The following DNAH6 variants were observed in gnomAD, a reference collection of about 807,000 sequenced individuals.
The protein encoded by DNAH6 is dynein axonemal heavy chain 6.
DNAH6 carries 340 observed loss-of-function variants against 491.4 expected under a neutral mutation model. That is an observed-to-expected ratio of 0.69 (90% CI 0.63 to 0.76). The LOEUF is 0.76. Ranked by LOEUF, DNAH6 falls within the 30% of genes least tolerant of loss-of-function variation. The pLI is 0.00. For synonymous variants in DNAH6, 1,603 were observed against 1,686.1 expected, an observed-to-expected ratio of 0.95 and a Z score of 1.21; for missense variants, 4,443 against 4,972.2, an observed-to-expected ratio of 0.89 and a Z score of 3.20.
intron 76 of DNAH6, 60 bp downstream of exon 76, chr2:84,816,143 C>T: frequency 2.2e-6 from 3 of 1,351,440 alleles, no homozygotes; most frequent in Non-Finnish European, 3.1e-6. Context: ...AATCAAAGTC[C>T]AAACACTAAG....
At chr2:84,483,865 C>T in the DNAH6 span, among the ~76,000 whole-genome samples, 1 of 152,058 alleles carries the variant, frequency 6.6e-6, no homozygotes, top group Non-Finnish European at 1.5e-5. Flanking sequence ...CCACTGACAC[C>T]TTTGGGGGAG....
In DNAH6 at chr2:84,693,544, C is replaced by T. The variant is rs112894658; in HGVS notation, c.7293-705C>T. Among the ~76,000 whole-genome samples, 800 of 152,040 alleles carry T rather than the reference C, an allele frequency of 5.3e-3. 5 individuals carry two copies. Among genetic ancestry groups the T allele is most frequent in the African/African-American group, 0.018 (733 of 41,454 alleles). The stretch of plus-strand genomic sequence containing the variant: ...GAATCATGAGATCAGGAGATCGAGA[C>T]CATCCTGGCTAAGACGGTGAAACCC... On this transcript the variant is annotated intron_variant, in intron 45 of 76. Transcript: ENST00000389394.
intron 34 of DNAH6, among the ~76,000 whole-genome samples, chr2:84,654,441 T>A (rs1690754379): frequency 6.6e-6 from 1 of 152,136 alleles, no homozygotes; most frequent in Non-Finnish European, 1.5e-5. Context: ...TTTGACAGTA[T>A]CCTCCTGTAG....
intron 41 of DNAH6, among the ~76,000 whole-genome samples, chr2:84,679,922 G>A (rs900475472): frequency 6.6e-6 from 1 of 152,148 alleles, no homozygotes; most frequent in African/African-American, 2.4e-5. Context: ...TTTGTGTCAT[G>A]GAGAACAGAA....
At position 84,600,985 on chromosome 2, in the gene DNAH6, TATA is replaced by T. The variant is rs148444970; in HGVS notation, c.2869-3341_2869-3339del. Among the ~76,000 whole-genome samples the T allele has an allele frequency of 7.7e-3, 1,120 of 145,064 alleles. 18 individuals carry two copies. The highest frequency in any genetic ancestry group is 0.027 in the African/African-American group (1,062 of 38,856). On this transcript the variant is annotated intron_variant, in intron 18 of 76. Transcript: ENST00000389394. ...TAATAACACTATATTATTATTATAGTATAATAATAATAATATACTATAATAATA... is the reference window on the plus strand; with the variant it reads ...TAATAACACTATATTATTATTATAGTATAATAATAATATACTATAATAATA...
Position 84,796,430 on chromosome 2 carries a change from A to G in DNAH6, c.11359+5A>G, listed in dbSNP as rs754273. ...ATTATAAATACTCTGAATCAGGTGAATGACTTTTCAATATTACAGAAAAGG... is the reference window on the plus strand; with the variant it reads ...ATTATAAATACTCTGAATCAGGTGAGTGACTTTTCAATATTACAGAAAAGG... On this transcript the variant is annotated splice_donor_5th_base_variant and intron_variant, in intron 69 of 76. Transcript: ENST00000389394. 0.17 allele frequency: 252,286 copies of G among 1,498,844 alleles called. 23,880 individuals carry two copies. The highest frequency in any genetic ancestry group is 0.4 in the African/African-American group (28,156 of 70,594). 92.8% of individuals were successfully genotyped at this position (1,498,844 alleles called of 1,614,324 possible). A position where few individuals can be genotyped will look rare whatever the true frequency, so the allele number is the denominator to read the frequency against.
chr2:84,808,297 G>C, intron 71 of DNAH6, 118 bp from the exon 72 acceptor site: 1 of 1,151,186 alleles, frequency 8.7e-7, no homozygotes, highest in East Asian at 2.7e-5. Context: ...TATGTATCTG[G>C]CTTAAACAAT....
intron 2 of DNAH6, among the ~76,000 whole-genome samples, chr2:84,523,698 A>G (rs146554189): frequency 2.0e-5 from 3 of 152,152 alleles, no homozygotes; most frequent in Non-Finnish European, 4.4e-5. Context: ...TTCTGCCTTA[A>G]CTTCATTATT....
chr2:84,587,764 C>T (rs1383892247), intron 15 of DNAH6, among the ~76,000 whole-genome samples: 2 of 152,138 alleles, frequency 1.3e-5, no homozygotes, highest in Admixed American at 6.5e-5. Flanking sequence ...TCCCCTCCTA[C>T]CTATTGCCCC....
In DNAH6 at chr2:84,669,280, G is replaced by A. The variant is rs879074438; in HGVS notation, c.6085-9G>A. The A allele has an allele frequency of 1.3e-6, 2 of 1,545,770 alleles. No individual in the cohort carries two copies. The highest frequency in any genetic ancestry group is 1.7e-4 in the Middle Eastern group (1 of 6,000). Reference sequence around the variant, plus strand: ...CCTATTGAAAGTGGTGTTTAATTTTGTACTTTAGCTTCCCAATTCTGGTGA... The same window carrying A: ...CCTATTGAAAGTGGTGTTTAATTTTATACTTTAGCTTCCCAATTCTGGTGA... On this transcript the variant is annotated splice_polypyrimidine_tract_variant and intron_variant, in intron 37 of 76. Transcript: ENST00000389394.
intron 62 of DNAH6, among the ~76,000 whole-genome samples, chr2:84,735,433 C>T (rs1045765307): frequency 3.9e-5 from 6 of 152,100 alleles, no homozygotes; most frequent in South Asian, 2.1e-4. Context: ...GTGGGTCAAA[C>T]GTTAATTCTA....
chr2:84,507,541 A>G, the DNAH6 span, among the ~76,000 whole-genome samples: 1 of 152,164 alleles, frequency 6.6e-6, no homozygotes, highest in African/African-American at 2.4e-5. Flanking sequence ...CTCTTTTCCT[A>G]ATTGAATACC....
intron 63 of DNAH6, among the ~76,000 whole-genome samples, chr2:84,752,197 G>A (rs888924385): frequency 1.3e-5 from 2 of 152,110 alleles, no homozygotes; most frequent in African/African-American, 4.8e-5. Flanking sequence ...TTCCCAATTT[G>A]GTAAAACCCA....
chr2:84,718,225 A>T lies in DNAH6; in HGVS notation c.9633A>T (p.Lys3211Asn), dbSNP rs201371333. Residue 3211 changes from lysine (K) to asparagine (N), a missense_variant, in exon 59 of 77, where the codon AAA becomes AAT. Transcript: ENST00000389394. ...QLLSDVVRLE[K>N]PRLEEQRIKL... ...TTAGTGATGTGGTGCGACTTGAAAA[A>T]CCCAGGTTGGAAGAACAAAGAATTA... 142 of 1,536,822 alleles carry T rather than the reference A, an allele frequency of 9.2e-5. No homozygotes were observed. The African/African-American group carries it at 1.7e-3, about 19-fold the overall frequency.
chr2:84,504,757 T>C, the DNAH6 span, among the ~76,000 whole-genome samples: 2 of 152,224 alleles, frequency 1.3e-5, no homozygotes, highest in African/African-American at 2.4e-5. Context: ...GTTTTGATAA[T>C]TGTAGCTTTG....
intron 37 of DNAH6, among the ~76,000 whole-genome samples, chr2:84,666,819 G>A (rs572052816): frequency 2.6e-5 from 4 of 152,284 alleles, no homozygotes; most frequent in African/African-American, 9.6e-5. Flanking sequence ...GAACAAAGCT[G>A]GAGGCACCAT....
At chr2:84,760,147 C>T (rs138662029) in intron 63 of DNAH6, among the ~76,000 whole-genome samples, 30 of 152,204 alleles carry the variant, frequency 2.0e-4, no homozygotes, top group African/African-American at 6.5e-4. Context: ...CTATCTCTCA[C>T]TATATACAAA....
In DNAH6 at chr2:84,557,926, T is replaced by C; in HGVS notation, c.1794T>C (p.Ser598=). ...EDDKNFHTII[S]QIKETIQAAF... ...ATAAGAATTTTCACACAATTATTTC[T>C]CAAATAAAGGTATGTTTACTCTGAC... Residue 598 remains serine (S), a synonymous_variant, in exon 11 of 77, where the codon TCT becomes TCC. Transcript: ENST00000389394. 1 of 1,604,180 alleles carries C rather than the reference T, an allele frequency of 6.2e-7. No individual in the cohort carries two copies. Among genetic ancestry groups the C allele is most frequent in the Non-Finnish European group, 8.5e-7 (1 of 1,173,084 alleles).
intron 29 of DNAH6, among the ~76,000 whole-genome samples, chr2:84,630,880 A>T (rs903000808): frequency 2.0e-5 from 3 of 152,222 alleles, no homozygotes; most frequent in African/African-American, 7.2e-5. Context: ...TTTTGAAAAT[A>T]GAATGTTGGT....
Sources: allele counts gnomAD v4.1 joint callset (sites outside exome capture counted in the v4.1 genomes callset), GRCh38; gene constraint gnomAD v4.1.1; transcripts MANE v1.5; gene names NCBI Gene and HGNC (gene_info 2026-07-23, HGNC 2026-07-21).